PIBF1: variants seen among roughly 807,000 people sequenced by gnomAD.
PIBF1 encodes progesterone immunomodulatory binding factor 1.
Under a neutral mutation model 112.5 loss-of-function variants are expected in PIBF1, and 90 were observed. The ratio of observed to expected loss-of-function variants is 0.80; its 90% CI spans 0.67 to 0.95. The LOEUF is 0.95. Among genes scored for constraint, PIBF1 ranks in the 40% least tolerant of loss-of-function variants. The pLI is 0.00. For synonymous variants in PIBF1, 301 were observed against 288.6 expected, an observed-to-expected ratio of 1.04 and a Z score of -0.44; for missense variants, 915 against 852.3, an observed-to-expected ratio of 1.07 and a Z score of -0.92.
At chr13:72,919,173 A>G (rs1288831778) in intron 13 of PIBF1, among the ~76,000 whole-genome samples, 1 of 152,244 alleles carries the variant, frequency 6.6e-6, no homozygotes, top group African/African-American at 2.4e-5. Context: ...GACTCAGAAA[A>G]TAGAACATCT....
intron 10 of PIBF1, chr13:72,881,278 G>A (rs2039622327): frequency 6.6e-6 from 1 of 151,988 alleles, no homozygotes; most frequent in South Asian, 2.1e-4. Context: ...GAATTGATGG[G>A]CAAATTCAGT....
intron 14 of PIBF1, among the ~76,000 whole-genome samples, chr13:72,934,313 T>A (rs982230315): frequency 6.6e-6 from 1 of 152,204 alleles, no homozygotes; most frequent in South Asian, 2.1e-4. Flanking sequence ...ATTTATTTAT[T>A]TTTGAGACAG....
chr13:72,802,378 G>T (rs1187962688), intron 5 of PIBF1, among the ~76,000 whole-genome samples: 1 of 152,126 alleles, frequency 6.6e-6, no homozygotes, highest in Non-Finnish European at 1.5e-5. Context: ...GAGCTATAAG[G>T]ATGGAAACAA....
chr13:72,974,207 T>C (rs2042965946), intron 16 of PIBF1: 1 of 152,746 alleles, frequency 6.5e-6, no homozygotes, highest in African/African-American at 2.4e-5. Flanking sequence ...TTAAGGTTTA[T>C]TGAGTTATAA....
chr13:72,958,408 C>T (rs2042511846), intron 14 of PIBF1, among the ~76,000 whole-genome samples: 1 of 151,654 alleles, frequency 6.6e-6, no homozygotes, highest in South Asian at 2.1e-4. Flanking sequence ...TCATCACTTC[C>T]ATGCTGGTTA....
intron 9 of PIBF1, among the ~76,000 whole-genome samples, chr13:72,852,254 G>A (rs2038195173): frequency 6.6e-6 from 1 of 152,180 alleles, no homozygotes; most frequent in Non-Finnish European, 1.5e-5. Context: ...CCTGTTTGGG[G>A]CTCTGCAGTT....
intron 14 of PIBF1, among the ~76,000 whole-genome samples, chr13:72,962,087 C>A (rs888113743): frequency 1.3e-5 from 2 of 152,032 alleles, no homozygotes; most frequent in Non-Finnish European, 2.9e-5. Context: ...ATTGTTTATA[C>A]TGACTTATAA....
intron 17 of PIBF1, among the ~76,000 whole-genome samples, chr13:73,015,508 G>C (rs1438915193): frequency 6.6e-6 from 1 of 151,934 alleles, no homozygotes; most frequent in Non-Finnish European, 1.5e-5. Context: ...AATATCTATT[G>C]AGTGAATGAA....
intron 11 of PIBF1, among the ~76,000 whole-genome samples, chr13:72,907,229 AG>A (rs1468103521): frequency 1.3e-5 from 2 of 150,320 alleles, no homozygotes; most frequent in African/African-American, 4.8e-5. Flanking sequence ...TGAAAATTGA[AG>A]GAAATGATCT....
At chr13:72,934,790 T>C (rs1193837535) in intron 14 of PIBF1, among the ~76,000 whole-genome samples, 1 of 152,168 alleles carries the variant, frequency 6.6e-6, no homozygotes, top group Non-Finnish European at 1.5e-5. Flanking sequence ...CAGTTTGACA[T>C]TTGGCACATG....
intron 10 of PIBF1, among the ~76,000 whole-genome samples, chr13:72,854,888 T>C (rs1792763949): frequency 6.6e-6 from 1 of 152,088 alleles, no homozygotes; most frequent in African/African-American, 2.4e-5. Context: ...GAGAATGATA[T>C]ATCTTTAATT....
chr13:72,857,128 A>G (rs1376351627), intron 10 of PIBF1, among the ~76,000 whole-genome samples: 1 of 152,226 alleles, frequency 6.6e-6, no homozygotes, highest in Non-Finnish European at 1.5e-5. Context: ...TTATATGGAA[A>G]AATTAAGTAA....
At chr13:72,850,900 C>G (rs117718764) in intron 9 of PIBF1, among the ~76,000 whole-genome samples, 5,229 of 152,242 alleles carry the variant, frequency 0.034, 150 homozygotes, top group Non-Finnish European at 0.049. Context: ...AATGCACTTC[C>G]ACTTAGTAAC....
At chr13:72,965,634 T>C (rs754026464) in intron 15 of PIBF1, among the ~76,000 whole-genome samples, 1 of 152,208 alleles carries the variant, frequency 6.6e-6, no homozygotes, top group African/African-American at 2.4e-5. Context: ...GTTACACTTA[T>C]GAGCATAACA....
chr13:72,841,671 G>A (rs1224329670), intron 9 of PIBF1, among the ~76,000 whole-genome samples: 1 of 152,100 alleles, frequency 6.6e-6, no homozygotes, highest in Non-Finnish European at 1.5e-5. Context: ...TAAGGAGGCT[G>A]AGGTGGGAGG....
chr13:73,010,503 T>A (rs1444960392), intron 17 of PIBF1, among the ~76,000 whole-genome samples: 1 of 151,964 alleles, frequency 6.6e-6, no homozygotes, highest in African/African-American at 2.4e-5. Flanking sequence ...CTCGGGAGGC[T>A]GAGGCAGGAG....
At chr13:72,995,289 A>G (rs2043612444) in intron 16 of PIBF1, among the ~76,000 whole-genome samples, 1 of 150,308 alleles carries the variant, frequency 6.7e-6, no homozygotes, top group Admixed American at 6.7e-5. Context: ...CGACAGAATG[A>G]GACTCCGTCT....
intron 16 of PIBF1, among the ~76,000 whole-genome samples, chr13:72,993,399 A>G (rs1317292609): frequency 1.3e-5 from 2 of 151,536 alleles, no homozygotes; most frequent in African/African-American, 4.8e-5. Context: ...TGAAGTAAAT[A>G]AAGTATAAGT....
chr13:72,811,819 A>G (rs954976798), intron 5 of PIBF1, among the ~76,000 whole-genome samples: 11 of 152,162 alleles, frequency 7.2e-5, no homozygotes, highest in Admixed American at 2.0e-4. Context: ...AAATAATACA[A>G]ATGGCTTACG....
Sources: gnomAD v4.1 joint callset for allele counts (sites outside exome capture counted in the v4.1 genomes callset) on GRCh38, gnomAD v4.1.1 for gene constraint, MANE v1.5 for transcripts, NCBI Gene and HGNC (gene_info 2026-07-23, HGNC 2026-07-21) for gene names.